Variants in ZNF695 observed in about 807,000 individuals in gnomAD.
The protein encoded by ZNF695 is zinc finger protein 695, also known as zinc finger protein SBZF3.
ZNF695 carries 11 observed loss-of-function variants against 11.2 expected under a neutral mutation model. That is an observed-to-expected ratio of 0.98 (90% CI 0.62 to 1.62). The LOEUF is 1.62. Ranked by LOEUF, ZNF695 falls within the 40% of genes most tolerant of loss-of-function variation. ZNF695 has a pLI of 0.00. For synonymous variants in ZNF695, 190 were observed against 201.4 expected (o/e 0.94, Z 0.48); for missense variants, 559 against 590.5 (o/e 0.95, Z 0.55).
intron 1 of ZNF695, among the ~76,000 whole-genome samples, chr1:247,005,520 C>G (rs1669505505): frequency 6.6e-6 from 1 of 151,972 alleles, no homozygotes; most frequent in African/African-American, 2.4e-5. Context: ...GTCCGACCAG[C>G]CTGGCCAACA....
intron 3 of ZNF695, among the ~76,000 whole-genome samples, chr1:246,993,226 G>A (rs1669091815): frequency 6.6e-6 from 1 of 152,126 alleles, no homozygotes. Context: ...GGCCAACACG[G>A]TGAAACCACA....
At chr1:246,948,493 A>G (rs903950205) in intron 5 of ZNF695, among the ~76,000 whole-genome samples, 3 of 152,158 alleles carry the variant, frequency 2.0e-5, no homozygotes, top group Admixed American at 6.6e-5. Context: ...CACTCAACAC[A>G]CTACTTAACT....
Position 247,007,943 on chromosome 1 carries a change from T to G in ZNF695, c.-35A>C, listed in dbSNP as rs2103036977. On this transcript the variant is annotated 5_prime_UTR_variant, in exon 1 of 4. Transcript: ENST00000339986. Reference sequence around the variant, plus strand: ...TTTGGGGGTCCCAGCGTCCTCCCTATAAATCTCGCAATACCTGCAGGCCAC... The same window carrying G: ...TTTGGGGGTCCCAGCGTCCTCCCTAGAAATCTCGCAATACCTGCAGGCCAC... 4 of 1,498,076 alleles carry G rather than the reference T, an allele frequency of 2.7e-6. No homozygotes were observed. Among genetic ancestry groups the G allele is most frequent in the Non-Finnish European group, 3.6e-6 (4 of 1,113,954 alleles). The allele number at this position is 1,498,076 out of a possible 1,614,324, so 92.8% of individuals were successfully genotyped here. A position where few individuals can be genotyped will look rare whatever the true frequency, so the allele number is the denominator to read the frequency against.
downstream of ZNF695, among the ~76,000 whole-genome samples, chr1:246,984,397 G>C (rs1414817875): frequency 2.0e-5 from 3 of 151,910 alleles, no homozygotes; most frequent in Admixed American, 2.0e-4. Context: ...TTCCTCTTCA[G>C]AGAGAGTCAG....
Position 246,985,545 on chromosome 1 carries a change from T to C in ZNF695, c.*1422A>G, listed in dbSNP as rs930549728. On this transcript the variant is annotated 3_prime_UTR_variant, in exon 4 of 4. Coordinates refer to ENST00000339986, the MANE Select transcript of ZNF695 (RefSeq NM_020394.5). ...ACCTACAACCGTAACTAAGGTGAGA[T>C]AGGTTAACGTTGGTGGTAGGATACG... 2.4e-4 allele frequency: 233 copies of C among 985,310 alleles called. No individual in the cohort carries two copies. The highest frequency in any genetic ancestry group is 2.7e-4 in the Non-Finnish European group (220 of 829,946). The allele number at this position is 985,310 out of a possible 1,614,324, so 61.0% of individuals were successfully genotyped here.
rs142621435 is a variant in ZNF695, at chr1:246,959,016, C to T, written c.488+8679G>A. 4.4e-3 allele frequency among the ~76,000 whole-genome samples: 669 copies of T among 151,864 alleles called. 6 individuals are homozygous for T. Among genetic ancestry groups the T allele is most frequent in the African/African-American group, 0.016 (646 of 41,402 alleles). On this transcript the variant is annotated intron_variant, in intron 5 of 5. Coordinates refer to the ZNF695 transcript ENST00000487338. Reference sequence around the variant, plus strand: ...TCAGATACTGTGTCTTGGCCAGGTGCGTTGGCTCACACCTGTAATCCCAGC... The same window carrying T: ...TCAGATACTGTGTCTTGGCCAGGTGTGTTGGCTCACACCTGTAATCCCAGC...
intron 1 of ZNF695, among the ~76,000 whole-genome samples, chr1:247,006,221 T>C (rs1188519296): frequency 7.3e-6 from 1 of 136,622 alleles, no homozygotes; most frequent in Non-Finnish European, 1.5e-5. Context: ...CGAGACTCTG[T>C]CTCAAAAAAA....
chr1:247,007,944 A>G lies in ZNF695; in HGVS notation c.-36T>C, dbSNP rs1464601612. The G allele has an allele frequency of 6.7e-7, 1 of 1,494,852 alleles. No homozygotes were observed. Among genetic ancestry groups the G allele is most frequent in the East Asian group, 2.6e-5 (1 of 37,862 alleles). The allele number at this position is 1,494,852 out of a possible 1,614,324, so 92.6% of individuals were successfully genotyped here. On this transcript the variant is annotated 5_prime_UTR_variant, in exon 1 of 4. Transcript: ENST00000339986. ...TTGGGGGTCCCAGCGTCCTCCCTAT[A>G]AATCTCGCAATACCTGCAGGCCACA...
At chr1:246,960,738 G>A (rs114380022) in intron 5 of ZNF695, among the ~76,000 whole-genome samples, 2,538 of 152,136 alleles carry the variant, frequency 0.017, 35 homozygotes, top group African/African-American at 0.038. Context: ...CCAGGAGTTC[G>A]CGAGCAGCCT....
At chr1:246,971,098 T>C (rs1668412942) in intron 4 of ZNF695, among the ~76,000 whole-genome samples, 1 of 152,196 alleles carries the variant, frequency 6.6e-6, no homozygotes, top group Admixed American at 6.5e-5. Flanking sequence ...CTGTTATTTA[T>C]TGGCTACAAG....
intron 5 of ZNF695, among the ~76,000 whole-genome samples, chr1:246,953,468 A>C (rs1667915943): frequency 6.6e-6 from 1 of 152,040 alleles, no homozygotes; most frequent in African/African-American, 2.4e-5. Flanking sequence ...AAAATTAGCC[A>C]GGCGTGGTGG....
In ZNF695 at chr1:246,999,387, G is replaced by A. The variant is rs1669300099; in HGVS notation, c.220C>T (p.Pro74Ser). 2.5e-6 allele frequency: 4 copies of A among 1,613,926 alleles called. No individual in the cohort carries two copies. Among genetic ancestry groups the A allele is most frequent in the Non-Finnish European group, 3.4e-6 (4 of 1,179,946 alleles). The change falls in exon 3 of 4, where the codon CCC becomes TCC. Residue 74 changes from proline (P) to serine (S), a missense_variant. By Grantham distance (74) the Pro-to-Ser change is moderately conservative. Transcript: ENST00000339986. ...LIICLEARKE[P>S]WNVNTEKTAR... ...GTCTTCTCTGTGTTCACGTTCCAGGGCTCTTTCCTTGCCTCCAGACAGATG... is the reference window on the plus strand; with the variant it reads ...GTCTTCTCTGTGTTCACGTTCCAGGACTCTTTCCTTGCCTCCAGACAGATG...
intron 5 of ZNF695, among the ~76,000 whole-genome samples, chr1:246,950,635 A>G (rs1420340636): frequency 2.3e-5 from 3 of 129,428 alleles, no homozygotes; most frequent in South Asian, 2.9e-4. Flanking sequence ...AGGGCAACAG[A>G]GCGAAACTCC....
At chr1:246,971,371 GGA>G (rs1311174084) in intron 4 of ZNF695, among the ~76,000 whole-genome samples, 1 of 152,220 alleles carries the variant, frequency 6.6e-6, no homozygotes, top group Non-Finnish European at 1.5e-5. Context: ...AGCATCACAG[GGA>G]GACGGTCAGG....
intron 4 of ZNF695, among the ~76,000 whole-genome samples, chr1:246,975,952 G>A (rs956829510): frequency 6.6e-6 from 1 of 152,154 alleles, no homozygotes; most frequent in Non-Finnish European, 1.5e-5. Context: ...ATTCTATTAG[G>A]CAGGAGGGAA....
chr1:246,960,496 A>C (rs962715618), intron 5 of ZNF695, among the ~76,000 whole-genome samples: 9 of 152,184 alleles, frequency 5.9e-5, no homozygotes, highest in Non-Finnish European at 1.2e-4. Context: ...TTCTCTCTCT[A>C]TATATATGCC....
At chr1:246,958,219 C>G (rs1182348961) in intron 5 of ZNF695, among the ~76,000 whole-genome samples, 1 of 151,790 alleles carries the variant, frequency 6.6e-6, no homozygotes, top group African/African-American at 2.4e-5. Flanking sequence ...CCACCACGCC[C>G]GGCTAATTTT....
chr1:246,986,553 A>C lies in ZNF695; in HGVS notation c.*414T>G. ...GTGTTTTGATGTAATTTTTGATTAG[A>C]CATTTTTTCACATTTACTGCATCTG... On this transcript the variant is annotated 3_prime_UTR_variant, in exon 4 of 4. Coordinates refer to ENST00000339986, the MANE Select transcript of ZNF695 (RefSeq NM_020394.5). 3.0e-6 allele frequency: 3 copies of C among 992,392 alleles called. No individual in the cohort carries two copies. Among genetic ancestry groups the C allele is most frequent in the Non-Finnish European group, 3.6e-6 (3 of 834,740 alleles). The allele number at this position is 992,392 out of a possible 1,614,324, so 61.5% of individuals were successfully genotyped here. A position where few individuals can be genotyped will look rare whatever the true frequency, so the allele number is the denominator to read the frequency against.
rs1230325628 is a variant in ZNF695, at chr1:246,987,394, T to C, written c.1121A>G (p.His374Arg). The part of the protein sequence containing the change: ...SSHLTEHRRI[H>R]TGEKPYKCEE... ...ACATTTGTATGGTTTCTCACCAGTA[T>C]GAATTCTCCTATGTTCAGTCAGATG... is the stretch of plus-strand genomic sequence containing the variant. Residue 374 changes from histidine to arginine, a missense_variant, in exon 4 of 4, where the codon CAT becomes CGT. By Grantham distance (29) the His-to-Arg change is conservative (BLOSUM62 0). Coordinates refer to ENST00000339986, the MANE Select transcript of ZNF695 (RefSeq NM_020394.5). The C allele has an allele frequency of 6.2e-7, 1 of 1,613,248 alleles. No individual in the cohort carries two copies. Among genetic ancestry groups the C allele is most frequent in the East Asian group, 2.2e-5 (1 of 44,874 alleles).
Sources: allele counts gnomAD v4.1 joint callset (sites outside exome capture counted in the v4.1 genomes callset), GRCh38; gene constraint gnomAD v4.1.1; transcripts MANE v1.5; gene names NCBI Gene and HGNC (gene_info 2026-07-23, HGNC 2026-07-21).